Variants in LVRN observed in about 807,000 individuals in gnomAD.
The protein encoded by LVRN is laeverin.
A neutral mutation model predicts 111.4 loss-of-function variants in LVRN; 99 were observed. The observed-to-expected ratio is 0.89, with a 90% CI of 0.76 to 1.05. The LOEUF is 1.05. Among genes scored for constraint, LVRN ranks in the 50% least tolerant of loss-of-function variants. The pLI, the probability that LVRN is intolerant of heterozygous loss-of-function variation, is 0.00. For missense variants in LVRN, 1,414 were observed against 1,206.8 expected (o/e 1.17, Z -2.54); for synonymous variants, 488 against 449.5 (o/e 1.09, Z -1.08).
chr5:115,994,412 A>G (rs1388272775), intron 6 of LVRN, among the ~76,000 whole-genome samples: 1 of 147,658 alleles, frequency 6.8e-6, no homozygotes, highest in Non-Finnish European at 1.5e-5. Context: ...AGCTGGGACT[A>G]CAGGCATGTG....
chr5:115,979,303 T>A, intron 1 of LVRN, among the ~76,000 whole-genome samples: 2 of 152,250 alleles, frequency 1.3e-5, no homozygotes, highest in Middle Eastern at 6.8e-3. Context: ...CAAAAGTGAG[T>A]TGGGCTTCTA....
In LVRN at chr5:115,983,288, GC is replaced by G; in HGVS notation, c.700del (p.Leu234CysfsTer2). ...AAATTTCCCCAAAATGTATTTCAGG[GC>G]CCTGTTAGCGTCCCAGCTGGAACCA... The part of the protein sequence containing the change: ...NVYTDQGERR[A>X]LLASQLEPTF... On this transcript the variant is annotated frameshift_variant and splice_region_variant, in exon 2 of 20. Transcript: ENST00000357872. LOFTEE classifies it high-confidence loss of function. 3.8e-6 allele frequency: 6 copies of G among 1,576,980 alleles called. No individual in the cohort carries two copies. Among genetic ancestry groups the G allele is most frequent in the Non-Finnish European group, 5.1e-6 (6 of 1,167,862 alleles).
chr5:115,974,100 C>A (rs985165397), intron 1 of LVRN, among the ~76,000 whole-genome samples: 1 of 152,128 alleles, frequency 6.6e-6, no homozygotes, highest in Non-Finnish European at 1.5e-5. Flanking sequence ...CTCAGTCCAC[C>A]ATCATAGTAG....
chr5:115,973,674 G>A (rs1338648743), intron 1 of LVRN, among the ~76,000 whole-genome samples: 1 of 152,066 alleles, frequency 6.6e-6, no homozygotes, highest in East Asian at 1.9e-4. Context: ...AATCAAAGTT[G>A]CCAAATGTGT....
chr5:116,014,651 T>C, intron 16 of LVRN, 124 bp downstream of exon 16: 1 of 731,132 alleles, frequency 1.4e-6, no homozygotes, highest in Non-Finnish European at 2.3e-6. Context: ...TCTCTCCTAC[T>C]ATTCTTTTCA....
chr5:115,979,836 C>G (rs1426496316), intron 1 of LVRN, among the ~76,000 whole-genome samples: 2 of 152,108 alleles, frequency 1.3e-5, no homozygotes, highest in African/African-American at 2.4e-5. Flanking sequence ...CTATGCTATT[C>G]AGCACTTGTT....
At chr5:115,984,261 G>T (rs1170438585) in intron 2 of LVRN, among the ~76,000 whole-genome samples, 4 of 152,156 alleles carry the variant, frequency 2.6e-5, no homozygotes. Flanking sequence ...AAATGGGCTG[G>T]ACTAGAAAAC....
chr5:116,010,737 A>G lies in LVRN; in HGVS notation c.2094-4A>G, dbSNP rs1435502094. On this transcript the variant is annotated splice_region_variant and splice_polypyrimidine_tract_variant and intron_variant, in intron 13 of 19. Transcript: ENST00000357872. ...TTGAGTGTGTGTGTTTTTAAATCAAACAGAAACAATTATATTGAGATTGAA... is the reference window on the plus strand; with the variant it reads ...TTGAGTGTGTGTGTTTTTAAATCAAGCAGAAACAATTATATTGAGATTGAA... 1 of 1,583,820 alleles carries G rather than the reference A, an allele frequency of 6.3e-7. No individual in the cohort carries two copies. Among genetic ancestry groups the G allele is most frequent in the Non-Finnish European group, 8.6e-7 (1 of 1,166,106 alleles).
intron 19 of LVRN, among the ~76,000 whole-genome samples, chr5:116,025,319 C>A (rs976089313): frequency 2.6e-5 from 4 of 152,162 alleles, no homozygotes; most frequent in African/African-American, 9.7e-5. Context: ...GCATTTTCAT[C>A]TTATGGCTAT....
intron 15 of LVRN, among the ~76,000 whole-genome samples, chr5:116,013,634 C>A (rs1401905701): frequency 6.6e-6 from 1 of 152,062 alleles, no homozygotes; most frequent in Non-Finnish European, 1.5e-5. Context: ...CATTCCTCTT[C>A]AGCTTATCAG....
Position 115,963,049 on chromosome 5 carries a change from G to T in LVRN, c.432G>T (p.Leu144=), listed in dbSNP as rs1234637275. ...TVRCTVATSR[L]LLHSLFQDCE... ...GCTGCACGGTGGCCACCTCTCGACT[G>T]CTGCTGCATAGCCTCTTCCAGGACT... is the stretch of plus-strand genomic sequence containing the variant. Residue 144 remains leucine, a synonymous_variant, in exon 1 of 20, where the codon CTG becomes CTT. Transcript: ENST00000357872. 2.5e-6 allele frequency: 4 copies of T among 1,613,536 alleles called. No homozygotes were observed. The highest frequency in any genetic ancestry group is 3.4e-6 in the Non-Finnish European group (4 of 1,179,946).
chr5:115,962,580 T>G lies in LVRN; in HGVS notation c.-38T>G, dbSNP rs777948678. 2.6e-5 allele frequency: 41 copies of G among 1,564,668 alleles called. No homozygotes were observed. Among genetic ancestry groups the G allele is most frequent in the Non-Finnish European group, 3.5e-5 (40 of 1,155,666 alleles). ...CGGGGTTTTGACAGCTGCCACAGTCTCTGAGCTCCAGCCTCGCGCCTGAAC... is the reference window on the plus strand; with the variant it reads ...CGGGGTTTTGACAGCTGCCACAGTCGCTGAGCTCCAGCCTCGCGCCTGAAC... On this transcript the variant is annotated 5_prime_UTR_variant, in exon 1 of 20. Coordinates refer to ENST00000357872, the MANE Select transcript of LVRN (RefSeq NM_173800.5).
intron 1 of LVRN, among the ~76,000 whole-genome samples, chr5:115,969,496 T>C (rs768658355): frequency 7.2e-5 from 11 of 152,184 alleles, no homozygotes; most frequent in Non-Finnish European, 1.5e-4. Context: ...GAAATTGTCA[T>C]TTAAGATATT....
intron 14 of LVRN, among the ~76,000 whole-genome samples, chr5:116,011,533 G>A (rs1748489690): frequency 6.6e-6 from 1 of 152,106 alleles, no homozygotes; most frequent in East Asian, 1.9e-4. Context: ...CCTCTTTGGG[G>A]AGTTAGGGGT....
chr5:115,970,702 T>C (rs1753307246), intron 1 of LVRN, among the ~76,000 whole-genome samples: 2 of 62,208 alleles, frequency 3.2e-5, no homozygotes, highest in African/African-American at 8.6e-5. Context: ...ATGCTTTTTG[T>C]ATGTATCAGT....
Position 116,003,248 on chromosome 5 carries a change from C to T in LVRN, c.1905C>T (p.Phe635=). Residue 635 remains phenylalanine (F), a synonymous_variant, in exon 12 of 20, where the codon TTC becomes TTT. Transcript: ENST00000357872. ...TCCCATATTCCTTTATAGAAGTATT[C>T]CCAGAAATGCAAGTTTCAGATTCTG... is the stretch of plus-strand genomic sequence containing the variant. ...LVWLDQSSKV[F]PEMQVSDSDH... is the part of the protein sequence containing the mutation. 1 of 1,579,056 alleles carries T rather than the reference C, an allele frequency of 6.3e-7. No individual in the cohort carries two copies. Among genetic ancestry groups the T allele is most frequent in the Non-Finnish European group, 8.6e-7 (1 of 1,163,384 alleles).
chr5:115,965,632 C>T (rs149498799), intron 1 of LVRN, among the ~76,000 whole-genome samples: 63 of 152,212 alleles, frequency 4.1e-4, no homozygotes, highest in African/African-American at 1.4e-3. Flanking sequence ...GTTCCCATAA[C>T]CCAGTGGGAG....
Position 116,015,396 on chromosome 5 carries a change from C to G in LVRN, c.2595C>G (p.Ser865Arg). 2 of 1,536,820 alleles carry G rather than the reference C, an allele frequency of 1.3e-6. No homozygotes were observed. The highest frequency in any genetic ancestry group is 1.8e-6 in the Non-Finnish European group (2 of 1,140,132). ...AACTTGCTTATGCAATGAGCTGCAG[C>G]AAAGACCCATGGATACTTAACAGGT... The part of the protein sequence containing the change: ...KIQLAYAMSC[S>R]KDPWILNRYM... The change falls in exon 17 of 20, where the codon AGC becomes AGG. Residue 865 changes from serine to arginine, a missense_variant. Physicochemically the swap from Ser to Arg is moderately radical, Grantham distance 110. Coordinates refer to ENST00000357872, the MANE Select transcript of LVRN (RefSeq NM_173800.5).
Position 116,009,923 on chromosome 5 carries a change from T to C in LVRN, c.2094-818T>C, listed in dbSNP as rs147993574. On this transcript the variant is annotated intron_variant, in intron 13 of 19. Transcript: ENST00000357872. ...ACAGCAAGCAGGATGTGTGAGGGGA[T>C]TGACTCCAATTTTGAAAGAAGTTTT... is the stretch of plus-strand genomic sequence containing the variant. Among the ~76,000 whole-genome samples, 108 of 152,288 alleles carry C rather than the reference T, an allele frequency of 7.1e-4. 3 individuals are homozygous for C. Among genetic ancestry groups the C allele is most frequent in the Middle Eastern group, 3.4e-3 (1 of 294 alleles).
Sources: allele counts gnomAD v4.1 joint callset (sites outside exome capture counted in the v4.1 genomes callset), GRCh38; gene constraint gnomAD v4.1.1; transcripts MANE v1.5; gene names NCBI Gene and HGNC (gene_info 2026-07-23, HGNC 2026-07-21).